The following ANKRD11 variants were observed in gnomAD, a reference collection of about 807,000 sequenced individuals.
ANKRD11 encodes the protein ankyrin repeat domain 11, also known as ankyrin repeat domain-containing protein 11.
ANKRD11 carries 17 observed loss-of-function variants against 195.7 expected under a neutral mutation model. The observed-to-expected ratio is 0.09, with a 90% CI of 0.06 to 0.13. The LOEUF is 0.13. Ranked by LOEUF, ANKRD11 falls within the 10% of genes least tolerant of loss-of-function variation. The pLI, the probability that ANKRD11 is intolerant of heterozygous loss-of-function variation, is 1.00. For missense variants in ANKRD11, 3,735 were observed against 3,566.1 expected, an observed-to-expected ratio of 1.05 and a Z score of -1.21; for synonymous variants, 1,953 against 1,528.1, an observed-to-expected ratio of 1.28 and a Z score of -6.49.
At chr16:89,386,523 G>A (rs2040917892) in intron 2 of ANKRD11, among the ~76,000 whole-genome samples, 1 of 152,188 alleles carries the variant, frequency 6.6e-6, no homozygotes, top group Non-Finnish European at 1.5e-5. Flanking sequence ...GGGAAAGGGG[G>A]CTCTTCTCTG....
chr16:89,312,161 G>A (rs1490035914), intron 3 of ANKRD11, among the ~76,000 whole-genome samples: 1 of 152,210 alleles, frequency 6.6e-6, no homozygotes, highest in African/African-American at 2.4e-5. Flanking sequence ...GCCTCCCAAA[G>A]TGCTGGGATG....
rs1230265202 is a variant in ANKRD11, at chr16:89,285,180, C to A, written c.1362G>T (p.Val454=). ...NAKQQKEKNK[V]KKKRKKETKG... is the part of the protein sequence containing the mutation. ...TTGTTTCTTTCTTTCGCTTCTTTTTCACTTTATTTTTTTCCTTCTGCTGCT... is the reference window on the plus strand; with the variant it reads ...TTGTTTCTTTCTTTCGCTTCTTTTTAACTTTATTTTTTTCCTTCTGCTGCT... Residue 454 remains valine (V), a synonymous_variant, in exon 9 of 13, where the codon GTG becomes GTT. Coordinates refer to ENST00000301030, the MANE Select transcript of ANKRD11 (RefSeq NM_013275.6). The surrounding 1 kb of genome is among the most constrained non-coding windows in gnomAD (Gnocchi z 5.6). 6.2e-7 allele frequency: 1 copy of A among 1,613,420 alleles called. No homozygotes were observed. The highest frequency in any genetic ancestry group is 1.3e-5 in the African/African-American group (1 of 74,928).
At position 89,283,434 on chromosome 16, in the gene ANKRD11, G is replaced by A. The variant is rs2034422294; in HGVS notation, c.3108C>T (p.Asp1036=). The A allele has an allele frequency of 1.2e-6, 2 of 1,613,904 alleles. No individual in the cohort carries two copies. Among genetic ancestry groups the A allele is most frequent in the East Asian group, 4.5e-5 (2 of 44,876 alleles). Residue 1036 remains aspartate (D), a synonymous_variant, in exon 9 of 13, where the codon GAC becomes GAT. Transcript: ENST00000301030. This position sits in a 1 kb window ranked among gnomAD's most constrained non-coding sequence, Gnocchi z 4.3. The stretch of plus-strand genomic sequence containing the variant: ...TTTCCAGGATTGATTTCTCACTTTT[G>A]TCCTTGTCACTGGATTTCTCTTTGT... ...ERYKEKSSDK[D]KSEKSILEKC... is the part of the protein sequence containing the mutation.
chr16:89,341,959 C>A (rs1007244542), intron 2 of ANKRD11, among the ~76,000 whole-genome samples: 4 of 149,984 alleles, frequency 2.7e-5, no homozygotes, highest in Non-Finnish European at 5.9e-5. Context: ...ACAGCAGCCA[C>A]GGCCCATGGC....
intron 4 of ANKRD11, chr16:89,301,352 T>C (rs964846591): frequency 5.1e-5 from 20 of 391,346 alleles, no homozygotes; most frequent in African/African-American, 8.2e-5. Context: ...CCAGATATCA[T>C]ATAATTTAAT....
At chr16:89,351,064 T>C (rs1003590718) in intron 2 of ANKRD11, among the ~76,000 whole-genome samples, 2 of 152,144 alleles carry the variant, frequency 1.3e-5, no homozygotes, top group African/African-American at 4.8e-5. Flanking sequence ...CCGACCGCTA[T>C]TAAAATTGAT....
intron 4 of ANKRD11, among the ~76,000 whole-genome samples, chr16:89,293,302 T>A (rs928235023): frequency 1.3e-5 from 2 of 152,046 alleles, no homozygotes; most frequent in Non-Finnish European, 2.9e-5. Context: ...GCAGACGGCA[T>A]CTCCTTATTC....
At chr16:89,436,328 T>C (rs11076603) in intron 1 of ANKRD11, among the ~76,000 whole-genome samples, 69,765 of 151,502 alleles carry the variant, frequency 0.46, 16,562 homozygotes, top group Middle Eastern at 0.65. Flanking sequence ...GGCACGAGAA[T>C]TGCTTAAACC....
chr16:89,377,688 C>T (rs2040482624), intron 2 of ANKRD11, among the ~76,000 whole-genome samples: 1 of 152,086 alleles, frequency 6.6e-6, no homozygotes. Flanking sequence ...CGACTCCCAC[C>T]CGCTTTTAAC....
At chr16:89,455,252 G>A (rs906858164) in intron 1 of ANKRD11, among the ~76,000 whole-genome samples, 5 of 145,338 alleles carry the variant, frequency 3.4e-5, no homozygotes, top group South Asian at 2.3e-4. Flanking sequence ...GTGCTGTTAG[G>A]CTTCCTCAAG....
chr16:89,482,062 C>T (rs1466938594), intron 1 of ANKRD11, among the ~76,000 whole-genome samples: 1 of 152,158 alleles, frequency 6.6e-6, no homozygotes, highest in Non-Finnish European at 1.5e-5. Context: ...TCTCCCAGAT[C>T]TCAGAACAGG....
chr16:89,371,190 G>C (rs1433583461), intron 2 of ANKRD11, among the ~76,000 whole-genome samples: 4 of 152,154 alleles, frequency 2.6e-5, no homozygotes, highest in African/African-American at 9.7e-5. Context: ...GCCAGAAAAA[G>C]ATGCAACGAC....
chr16:89,357,113 G>A (rs1359877604), intron 2 of ANKRD11, among the ~76,000 whole-genome samples: 2 of 152,220 alleles, frequency 1.3e-5, no homozygotes. Context: ...TCTGTAGGAG[G>A]GACAGTGTAA....
chr16:89,307,152 T>C (rs929457832), intron 3 of ANKRD11, among the ~76,000 whole-genome samples: 2 of 152,190 alleles, frequency 1.3e-5, no homozygotes, highest in African/African-American at 4.8e-5. Context: ...TTTCTGTAAC[T>C]TTCCCTAGGT....
chr16:89,448,823 T>C (rs1489947055), intron 1 of ANKRD11, among the ~76,000 whole-genome samples: 1 of 152,038 alleles, frequency 6.6e-6, no homozygotes, highest in Non-Finnish European at 1.5e-5. Flanking sequence ...CGCACGTGAG[T>C]CCCGGCATGC....
intron 1 of ANKRD11, among the ~76,000 whole-genome samples, chr16:89,448,030 C>T (rs2043884634): frequency 6.6e-6 from 1 of 151,368 alleles, no homozygotes; most frequent in Non-Finnish European, 1.5e-5. Flanking sequence ...GTCTCCAACT[C>T]CTGACCTCAG....
intron 2 of ANKRD11, among the ~76,000 whole-genome samples, chr16:89,344,335 G>T (rs912890262): frequency 1.3e-5 from 2 of 152,160 alleles, no homozygotes; most frequent in African/African-American, 4.8e-5. Context: ...AAAGAGACAG[G>T]AGCTGCAACC....
intron 2 of ANKRD11, among the ~76,000 whole-genome samples, chr16:89,387,837 T>C (rs779032841): frequency 6.6e-6 from 1 of 151,320 alleles, no homozygotes; most frequent in Non-Finnish European, 1.5e-5. Context: ...ACCCCGTCTC[T>C]ACTAAAAATT....
intron 7 of ANKRD11, chr16:89,287,139 AGG>A: frequency 7.8e-7 from 1 of 1,288,302 alleles, no homozygotes; most frequent in African/African-American, 1.5e-5. Flanking sequence ...AGTTTCTTGC[AGG>A]GCTGGGACGG....
Sources: gnomAD v4.1 joint callset for allele counts (sites outside exome capture counted in the v4.1 genomes callset) on GRCh38, gnomAD v4.1.1 for gene constraint, Gnocchi (gnomAD v3.1) non-coding constraint, MANE v1.5 for transcripts, NCBI Gene and HGNC (gene_info 2026-07-23, HGNC 2026-07-21) for gene names.